TMEM150C: variants seen among roughly 807,000 people sequenced by gnomAD.
The protein encoded by TMEM150C is transmembrane protein 150C.
TMEM150C carries 10 observed loss-of-function variants against 29.9 expected under a neutral mutation model. The observed-to-expected ratio is 0.33, with a 90% CI of 0.21 to 0.57. The LOEUF (loss-of-function observed/expected upper bound fraction) is 0.57, where lower values mean the gene tolerates loss of function less well. Among genes scored for constraint, TMEM150C ranks in the 20% least tolerant of loss-of-function variants. The pLI is 0.88. For missense variants in TMEM150C, 251 were observed against 303.6 expected (o/e 0.83, Z 1.29); for synonymous variants, 101 against 112.5 (o/e 0.90, Z 0.64).
chr4:82,501,187 G>A (rs1423372389), intron 5 of TMEM150C, among the ~76,000 whole-genome samples: 1 of 152,222 alleles, frequency 6.6e-6, no homozygotes, highest in Non-Finnish European at 1.5e-5. Context: ...CAGAAGAATG[G>A]TGTCAAGAGT....
At chr4:82,495,726 G>T (rs1723534322) in intron 6 of TMEM150C, 1 of 312,320 alleles carries the variant, frequency 3.2e-6, no homozygotes, top group Admixed American at 3.9e-5. Context: ...CTTGTTTGTT[G>T]TTCCCACCAC....
intron 6 of TMEM150C, chr4:82,491,436 G>C: frequency 1.5e-6 from 1 of 678,566 alleles, no homozygotes; most frequent in Non-Finnish European, 2.7e-6. Context: ...GAGGATGGCT[G>C]TCTGCCACTG....
intron 1 of TMEM150C, among the ~76,000 whole-genome samples, chr4:82,505,856 C>T (rs1300259484): frequency 6.6e-6 from 1 of 152,108 alleles, no homozygotes; most frequent in Non-Finnish European, 1.5e-5. Context: ...CAGTATTAAA[C>T]ATAAAGAAAT....
At chr4:82,490,576 TTTTG>T (rs919617838) in intron 6 of TMEM150C, among the ~76,000 whole-genome samples, 26 of 152,060 alleles carry the variant, frequency 1.7e-4, no homozygotes, top group Admixed American at 1.3e-3. Flanking sequence ...ACATGGTTTT[TTTTG>T]TTTGTTTGTT....
intron 6 of TMEM150C, among the ~76,000 whole-genome samples, chr4:82,491,949 GT>G (rs1193911170): frequency 1.4e-4 from 21 of 144,936 alleles, no homozygotes; most frequent in African/African-American, 3.1e-4. Context: ...TTTTTTTTTG[GT>G]TTTTTTTTTT....
chr4:82,496,476 C>T (rs1303304816), intron 5 of TMEM150C, among the ~76,000 whole-genome samples: 1 of 152,084 alleles, frequency 6.6e-6, no homozygotes, highest in African/African-American at 2.4e-5. Context: ...AGAGAGGACT[C>T]GAGGCAACAG....
chr4:82,554,332 T>C (rs1000953339), intron 1 of TMEM150C, among the ~76,000 whole-genome samples: 1 of 152,206 alleles, frequency 6.6e-6, no homozygotes, highest in Non-Finnish European at 1.5e-5. Flanking sequence ...TAATTTTAAT[T>C]TGCAAATACT....
intron 1 of TMEM150C, among the ~76,000 whole-genome samples, chr4:82,554,598 C>T (rs376515207): frequency 2.0e-5 from 3 of 152,062 alleles, no homozygotes; most frequent in South Asian, 2.1e-4. Flanking sequence ...AAAAAGAGTA[C>T]GAAATCTACT....
intron 1 of TMEM150C, among the ~76,000 whole-genome samples, chr4:82,556,172 T>A (rs531784228): frequency 4.3e-4 from 66 of 152,266 alleles, no homozygotes; most frequent in African/African-American, 1.4e-3. Context: ...GAGACGGGGT[T>A]TTGCCATGTT....
chr4:82,505,307 A>G lies in TMEM150C; in HGVS notation c.-10-640T>C, dbSNP rs373322473. On this transcript the variant is annotated intron_variant, in intron 1 of 7. Coordinates refer to ENST00000449862, the MANE Select transcript of TMEM150C (RefSeq NM_001080506.3). ...AGTGATCCTCCTACCTTGACCTTCC[A>G]AAGTGTTGAGATTACAGGCATGAGC... is the stretch of plus-strand genomic sequence containing the variant. 8.5e-5 allele frequency among the ~76,000 whole-genome samples: 13 copies of G among 152,288 alleles called. 1 individual carries two copies. The highest frequency in any genetic ancestry group is 3.3e-4 in the Admixed American group (5 of 15,304).
At chr4:82,511,721 A>G (rs1454909474) in intron 1 of TMEM150C, among the ~76,000 whole-genome samples, 2 of 151,536 alleles carry the variant, frequency 1.3e-5, no homozygotes, top group African/African-American at 2.4e-5. Context: ...CCTGCCTCGG[A>G]CTCTCAAAGT....
chr4:82,528,640 C>T (rs965179268), intron 1 of TMEM150C, among the ~76,000 whole-genome samples: 4 of 149,018 alleles, frequency 2.7e-5, no homozygotes, highest in Non-Finnish European at 4.4e-5. Context: ...TCTCTGTCAC[C>T]GAGGCTGGAG....
intron 1 of TMEM150C, among the ~76,000 whole-genome samples, chr4:82,555,878 A>G (rs78631262): frequency 0.11 from 17,261 of 152,234 alleles, 1,100 homozygotes; most frequent in Middle Eastern, 0.24. Context: ...ACTATTAGCT[A>G]TTATTTTTGT....
intron 6 of TMEM150C, 28 bp downstream of exon 6, chr4:82,496,040 G>A (rs545886281): frequency 1.2e-6 from 2 of 1,613,614 alleles, no homozygotes; most frequent in African/African-American, 1.3e-5. Context: ...CAGTGTCAGA[G>A]GGAGGTGAAA....
At chr4:82,495,486 G>A (rs1296812870) in intron 6 of TMEM150C, 2 of 359,120 alleles carry the variant, frequency 5.6e-6, no homozygotes, top group Non-Finnish European at 1.1e-5. Context: ...TAGGCCCCAG[G>A]TGACGAGGCA....
In TMEM150C at chr4:82,510,204, G is replaced by A. The variant is rs138929549; in HGVS notation, c.-10-5537C>T. ...TGAGGCAGGAGAATCGCTTGAACCC[G>A]GGAGGCGGAGGTTGCAGTGAGCCGT... On this transcript the variant is annotated intron_variant, in intron 1 of 7. Transcript: ENST00000449862. Among the ~76,000 whole-genome samples, 469 of 151,200 alleles carry A rather than the reference G, an allele frequency of 3.1e-3. 1 individual carries two copies. Among genetic ancestry groups the A allele is most frequent in the Middle Eastern group, 0.014 (4 of 288 alleles).
chr4:82,502,500 G>T (rs1723766619), intron 5 of TMEM150C, among the ~76,000 whole-genome samples: 1 of 152,152 alleles, frequency 6.6e-6, no homozygotes, highest in Non-Finnish European at 1.5e-5. Context: ...TATCTGAAAT[G>T]ATAAAGATGG....
At chr4:82,495,480 C>A in intron 6 of TMEM150C, 1 of 356,136 alleles carries the variant, frequency 2.8e-6, no homozygotes, top group Non-Finnish European at 5.4e-6. Flanking sequence ...CTCTTTTAGG[C>A]CCCAGGTGAC....
intron 1 of TMEM150C, among the ~76,000 whole-genome samples, chr4:82,548,396 A>G (rs1262298159): frequency 2.0e-5 from 3 of 152,326 alleles, no homozygotes; most frequent in Non-Finnish European, 2.9e-5. Context: ...TTTCAATAAC[A>G]TCTCATTTAT....
Sources: allele counts gnomAD v4.1 joint callset (sites outside exome capture counted in the v4.1 genomes callset), GRCh38; gene constraint gnomAD v4.1.1; transcripts MANE v1.5; gene names NCBI Gene and HGNC (gene_info 2026-07-23, HGNC 2026-07-21).